Variants in IL15 observed in about 807,000 individuals in gnomAD.
IL15 encodes interleukin-15.
IL15 carries 11 observed loss-of-function variants against 19.6 expected under a neutral mutation model. The ratio of observed to expected loss-of-function variants is 0.56; its 90% CI spans 0.35 to 0.93. IL15 has a LOEUF of 0.93. Among genes scored for constraint, IL15 ranks in the 40% least tolerant of loss-of-function variants. The probability of loss-of-function intolerance (pLI) is 0.01; values close to 1 mark genes in which losing one functional copy is unlikely to be tolerated. For synonymous variants in IL15, 58 were observed against 59.6 expected, an observed-to-expected ratio of 0.97 and a Z score of 0.12; for missense variants, 197 against 186.5, an observed-to-expected ratio of 1.06 and a Z score of -0.33.
chr4:141,692,001 A>C (rs1470165294), intron 2 of IL15, among the ~76,000 whole-genome samples: 2 of 152,212 alleles, frequency 1.3e-5, no homozygotes, highest in Non-Finnish European at 2.9e-5. Flanking sequence ...TTCTGTGTTG[A>C]TGTCTAGGCA....
At chr4:141,709,934 C>G (rs950703636) in intron 2 of IL15, among the ~76,000 whole-genome samples, 1 of 152,010 alleles carries the variant, frequency 6.6e-6, no homozygotes, top group Non-Finnish European at 1.5e-5. Context: ...ACCCTCCCCC[C>G]ACACTAACTC....
intron 5 of IL15, among the ~76,000 whole-genome samples, chr4:141,722,886 C>A (rs988808192): frequency 2.0e-5 from 3 of 151,836 alleles, no homozygotes; most frequent in Non-Finnish European, 4.4e-5. Flanking sequence ...AAATATAAAG[C>A]AAACTGTAAA....
intron 1 of IL15, among the ~76,000 whole-genome samples, chr4:141,646,953 A>G (rs962929644): frequency 6.6e-6 from 1 of 152,102 alleles, no homozygotes. Context: ...TTGAGTATTT[A>G]AAGCAATATT....
rs1476275085 is a variant in IL15 at position 141,641,691 on chromosome 4, T to G, written c.-222+4943T>G. Among the ~76,000 whole-genome samples the G allele has an allele frequency of 2.3e-4, 14 of 61,346 alleles. No homozygotes were observed. In the South Asian group the frequency reaches 2.5e-3, roughly 11 times the overall value. 40.2% of individuals were successfully genotyped at this position (61,346 alleles called of 152,430 possible). A position where few individuals can be genotyped will look rare whatever the true frequency, so the allele number is the denominator to read the frequency against. On this transcript the variant is annotated intron_variant, in intron 1 of 7. Transcript: ENST00000320650. The stretch of plus-strand genomic sequence containing the variant: ...GAACATCACACACCGGGGCCTGTCA[T>G]GGGGTGGGGGGAGGGGGGAGGGATA...
intron 2 of IL15, among the ~76,000 whole-genome samples, chr4:141,686,338 A>T (rs1469190510): frequency 1.3e-4 from 20 of 151,726 alleles, no homozygotes; most frequent in Admixed American, 1.3e-3. Context: ...ATAAATAAAT[A>T]AAAGGTGGGA....
At chr4:141,673,408 T>A (rs944234168) in intron 2 of IL15, among the ~76,000 whole-genome samples, 2 of 152,198 alleles carry the variant, frequency 1.3e-5, no homozygotes, top group Non-Finnish European at 1.5e-5. Flanking sequence ...TATTTTGTAG[T>A]TCCCTAGCAA....
At chr4:141,682,987 G>C (rs964380994) in intron 2 of IL15, among the ~76,000 whole-genome samples, 3 of 151,876 alleles carry the variant, frequency 2.0e-5, no homozygotes, top group African/African-American at 7.3e-5. Context: ...AAAAACAATA[G>C]GGGCTGGGTG....
chr4:141,671,738 T>C (rs938094017), intron 2 of IL15, among the ~76,000 whole-genome samples: 3 of 152,160 alleles, frequency 2.0e-5, no homozygotes, highest in African/African-American at 4.8e-5. Flanking sequence ...TCACACATTA[T>C]TTTTGCCATA....
chr4:141,649,981 T>C (rs1050962258), intron 1 of IL15, among the ~76,000 whole-genome samples: 2 of 152,128 alleles, frequency 1.3e-5, no homozygotes, highest in African/African-American at 4.8e-5. Context: ...ACGATGAGGA[T>C]GCCAGTGTTG....
In IL15 at chr4:141,648,992, T is replaced by G. The variant is rs113953171; in HGVS notation, c.-221-7194T>G. On this transcript the variant is annotated intron_variant, in intron 1 of 7. Coordinates refer to ENST00000320650, the MANE Select transcript of IL15 (RefSeq NM_000585.5). ...GCACATTTGATTCTCTTTAGGAACT[T>G]ATTGTCTCGTGGAACAATTATTGTT... 4.7e-3 allele frequency among the ~76,000 whole-genome samples: 713 copies of G among 152,242 alleles called. 13 individuals are homozygous for G. Among genetic ancestry groups the G allele is most frequent in the African/African-American group, 0.017 (688 of 41,548 alleles).
In IL15 at chr4:141,664,342, AACACACACACACAC is replaced by A. The variant is rs35153516; in HGVS notation, c.-100+8071_-100+8084del. 1.6e-3 allele frequency among the ~76,000 whole-genome samples: 207 copies of A among 131,020 alleles called. 1 individual carries two copies. Among genetic ancestry groups the A allele is most frequent in the African/African-American group, 4.5e-3 (156 of 34,450 alleles). 86.0% of individuals were successfully genotyped at this position (131,020 alleles called of 152,430 possible). On this transcript the variant is annotated intron_variant, in intron 2 of 7. Coordinates refer to ENST00000320650, the MANE Select transcript of IL15 (RefSeq NM_000585.5). ...ATTAAAAAAATTCTTTGGTGGGCAA[AACACACACACACAC>A]ACACACACACACACACACACACACA...
intron 5 of IL15, among the ~76,000 whole-genome samples, chr4:141,725,403 T>C (rs1236336228): frequency 6.6e-6 from 1 of 152,078 alleles, no homozygotes; most frequent in East Asian, 1.9e-4. Flanking sequence ...AGGGTATAGA[T>C]ACACAGAGAT....
Position 141,666,081 on chromosome 4 carries a change from A to AT in IL15, c.-100+9776dup, listed in dbSNP as rs71586237. On this transcript the variant is annotated intron_variant, in intron 2 of 7. Transcript: ENST00000320650. The stretch of plus-strand genomic sequence containing the variant: ...TCTCTCAGACTCATCCTTTTTATTT[A>AT]TTATTTATTTATTTATTTATTTATT... Among the ~76,000 whole-genome samples, 100 of 143,390 alleles carry AT rather than the reference A, an allele frequency of 7.0e-4. 1 individual carries two copies. The highest frequency in any genetic ancestry group is 2.4e-3 in the African/African-American group (96 of 39,434). 94.1% of individuals were successfully genotyped at this position (143,390 alleles called of 152,430 possible).
intron 2 of IL15, among the ~76,000 whole-genome samples, chr4:141,670,698 A>G (rs1423683909): frequency 6.6e-6 from 1 of 152,218 alleles, no homozygotes; most frequent in African/African-American, 2.4e-5. Context: ...TTTCAGATAA[A>G]CTTTTGAAAT....
At chr4:141,723,881 AT>A (rs1354061543) in intron 5 of IL15, among the ~76,000 whole-genome samples, 1 of 152,152 alleles carries the variant, frequency 6.6e-6, no homozygotes, top group Non-Finnish European at 1.5e-5. Flanking sequence ...AAATAGACAA[AT>A]CCACAATTAT....
At chr4:141,709,033 A>G (rs1729619265) in intron 2 of IL15, among the ~76,000 whole-genome samples, 1 of 143,698 alleles carries the variant, frequency 7.0e-6, no homozygotes, top group African/African-American at 2.6e-5. Context: ...GAAAATTTTC[A>G]ATATTATTCA....
intron 2 of IL15, among the ~76,000 whole-genome samples, chr4:141,710,750 T>C (rs1277188563): frequency 6.6e-6 from 1 of 152,220 alleles, no homozygotes; most frequent in African/African-American, 2.4e-5. Flanking sequence ...TTGTTCATTT[T>C]ATTTTATTTT....
chr4:141,705,512 C>G (rs183445594), intron 2 of IL15, among the ~76,000 whole-genome samples: 1 of 151,926 alleles, frequency 6.6e-6, no homozygotes, highest in African/African-American at 2.4e-5. Context: ...GTGATCTATC[C>G]TAAAAAATGT....
At chr4:141,643,483 T>C (rs542210092) in intron 1 of IL15, among the ~76,000 whole-genome samples, 1 of 152,308 alleles carries the variant, frequency 6.6e-6, no homozygotes, top group East Asian at 1.9e-4. Flanking sequence ...CGAACATCCC[T>C]TTTATTAAAT....
Sources: allele counts gnomAD v4.1 joint callset (sites outside exome capture counted in the v4.1 genomes callset), GRCh38; gene constraint gnomAD v4.1.1; transcripts MANE v1.5; gene names NCBI Gene and HGNC (gene_info 2026-07-23, HGNC 2026-07-21).